Variants in ZNF718 observed in about 807,000 individuals in gnomAD.
ZNF718 encodes zinc finger protein 718.
A neutral mutation model predicts 2.6 loss-of-function variants in ZNF718; 3 were observed. The ratio of observed to expected loss-of-function variants is 1.16; its 90% CI spans 0.53 to 3.01. The LOEUF (loss-of-function observed/expected upper bound fraction) is 3.01. Among genes scored for constraint, ZNF718 ranks in the 30% most tolerant of loss-of-function variants. ZNF718 has a pLI of 0.03. For synonymous variants in ZNF718, 135 were observed against 77.9 expected (o/e 1.73, Z -3.86); for missense variants, 468 against 230.0 (o/e 2.03, Z -6.69).
At chr4:189,440 G>A (rs938294386) in intron 3 of ZNF718, among the ~76,000 whole-genome samples, 2 of 151,800 alleles carry the variant, frequency 1.3e-5, no homozygotes, top group Non-Finnish European at 2.9e-5. Context: ...TTTTTAGTAT[G>A]TCGATTACTG....
At chr4:137,022 T>C (rs945254676) in intron 3 of ZNF718, among the ~76,000 whole-genome samples, 1 of 152,124 alleles carries the variant, frequency 6.6e-6, no homozygotes, top group South Asian at 2.1e-4. Context: ...TTTGGTACTG[T>C]CTTTGGCATA....
intron 3 of ZNF718, among the ~76,000 whole-genome samples, chr4:183,655 A>G (rs1220701271): frequency 2.0e-5 from 3 of 152,076 alleles, no homozygotes; most frequent in Non-Finnish European, 4.4e-5. Flanking sequence ...ATGTATTTCC[A>G]TTTGTTTGTG....
chr4:159,423 A>G (rs182633301), intron 3 of ZNF718, among the ~76,000 whole-genome samples: 2 of 152,192 alleles, frequency 1.3e-5, no homozygotes, highest in Admixed American at 1.3e-4. Flanking sequence ...TTATCTTATA[A>G]GACCACACTT....
At chr4:179,061 G>A (rs1457586471) in intron 3 of ZNF718, among the ~76,000 whole-genome samples, 5 of 152,014 alleles carry the variant, frequency 3.3e-5, no homozygotes, top group Non-Finnish European at 7.4e-5. Flanking sequence ...TATTTTCTTT[G>A]CATGCTATCA....
intron 3 of ZNF718, among the ~76,000 whole-genome samples, chr4:146,756 C>T (rs758414101): frequency 4.7e-5 from 7 of 149,524 alleles, no homozygotes; most frequent in Admixed American, 1.4e-4. Flanking sequence ...TTTCAAATGA[C>T]TTACGTTTGC....
At position 162,337 on chromosome 4, in the gene ZNF718, ATTC is replaced by A. The variant is rs1716930351; in HGVS notation, c.*218_*220del. 1.9e-5 allele frequency: 8 copies of A among 426,260 alleles called. No homozygotes were observed. 26.4% of individuals were successfully genotyped at this position (426,260 alleles called of 1,614,324 possible). ...TGCTTGTCACATATTACTGAATATA[ATTC>A]TTACTGCAGAAAACCCCTAGGAATA... is the stretch of plus-strand genomic sequence containing the variant. On this transcript the variant is annotated 3_prime_UTR_variant, in exon 4 of 4. Coordinates refer to ENST00000510175, the MANE Select transcript of ZNF718 (RefSeq NM_001039127.6).
At chr4:133,796 G>A (rs969579528) in intron 3 of ZNF718, among the ~76,000 whole-genome samples, 24 of 152,124 alleles carry the variant, frequency 1.6e-4, no homozygotes, top group Non-Finnish European at 7.4e-5. Context: ...GGATTTTTCT[G>A]ATAAATAAAA....
chr4:133,994 T>C (rs1444603674), intron 3 of ZNF718, among the ~76,000 whole-genome samples: 1 of 152,238 alleles, frequency 6.6e-6, no homozygotes, highest in African/African-American at 2.4e-5. Context: ...TAAATAATGC[T>C]ATTTTGCTGA....
At chr4:175,179 C>T (rs183213003) in intron 3 of ZNF718, among the ~76,000 whole-genome samples, 59 of 152,346 alleles carry the variant, frequency 3.9e-4, no homozygotes, top group Non-Finnish European at 6.8e-4. Flanking sequence ...GTTTGCCTGC[C>T]TAAGTGACAC....
rs943637962 is a variant in ZNF718, at chr4:162,641, C to T, written c.*519C>T. 6.6e-6 allele frequency: 1 copy of T among 152,420 alleles called. No homozygotes were observed. Among genetic ancestry groups the T allele is most frequent in the Non-Finnish European group, 1.5e-5 (1 of 68,256 alleles). 9.4% of individuals were successfully genotyped at this position (152,420 alleles called of 1,614,324 possible). ...AAGAGGGTTGTAGTACCTGTACTTGCATCATGGGTCTTATTGTGCATATTT... is the reference window on the plus strand; with the variant it reads ...AAGAGGGTTGTAGTACCTGTACTTGTATCATGGGTCTTATTGTGCATATTT... On this transcript the variant is annotated 3_prime_UTR_variant, in exon 4 of 4. Coordinates refer to ENST00000510175, the MANE Select transcript of ZNF718 (RefSeq NM_001039127.6).
chr4:137,778 CTAAA>C (rs1715636685), intron 3 of ZNF718, among the ~76,000 whole-genome samples: 1 of 151,420 alleles, frequency 6.6e-6, no homozygotes, highest in South Asian at 2.1e-4. Flanking sequence ...TCGGGACTGA[CTAAA>C]TGTTTATTTT....
chr4:190,301 G>C, intron 3 of ZNF718, among the ~76,000 whole-genome samples: 1 of 151,916 alleles, frequency 6.6e-6, no homozygotes, highest in Non-Finnish European at 1.5e-5. Context: ...GTGGTGATGG[G>C]CGCCTGTAGT....
exon 5 of ZNF718, chr4:202,193 A>G (rs1717915130): frequency 1.3e-5 from 2 of 152,178 alleles, no homozygotes; most frequent in African/African-American, 4.8e-5. Flanking sequence ...TGCTTCTCTC[A>G]TTCTCTCATA....
chr4:173,634 A>T (rs574743498), intron 3 of ZNF718, among the ~76,000 whole-genome samples: 1 of 152,316 alleles, frequency 6.6e-6, no homozygotes, highest in African/African-American at 2.4e-5. Context: ...CTTCTGTTAA[A>T]TATGGGTCGC....
chr4:136,311 T>A, intron 3 of ZNF718: 1 of 513,348 alleles, frequency 1.9e-6, no homozygotes, highest in Non-Finnish European at 3.9e-6. Flanking sequence ...GGGCTAGAAC[T>A]GAGTCACAGG....
chr4:184,994 A>G (rs782639138), intron 3 of ZNF718, among the ~76,000 whole-genome samples: 10 of 151,828 alleles, frequency 6.6e-5, no homozygotes, highest in East Asian at 1.9e-4. Context: ...TTGTGTCTCT[A>G]TTATGTTCTG....
intron 3 of ZNF718, among the ~76,000 whole-genome samples, chr4:169,887 A>G (rs374360407): frequency 1.2e-4 from 18 of 151,850 alleles, no homozygotes. Flanking sequence ...TGATCCTGTC[A>G]TTATGATGTT....
chr4:196,538 A>C (rs573511100), intron 3 of ZNF718, among the ~76,000 whole-genome samples: 3 of 152,302 alleles, frequency 2.0e-5, no homozygotes, highest in Non-Finnish European at 2.9e-5. Context: ...CACTTTCAAG[A>C]AAGTCGTGGT....
At chr4:144,204 T>C (rs1269491364) in intron 3 of ZNF718, among the ~76,000 whole-genome samples, 1 of 152,238 alleles carries the variant, frequency 6.6e-6, no homozygotes, top group Non-Finnish European at 1.5e-5. Flanking sequence ...TGGAGTGTAC[T>C]TTCATTTTTA....
Sources: gnomAD v4.1 joint callset for allele counts (sites outside exome capture counted in the v4.1 genomes callset) on GRCh38, gnomAD v4.1.1 for gene constraint, MANE v1.5 for transcripts, NCBI Gene and HGNC (gene_info 2026-07-23, HGNC 2026-07-21) for gene names.